Variants in ABTB3 observed in about 807,000 individuals in gnomAD.
ABTB3 encodes ankyrin repeat and BTB domain containing 3, also known as ankyrin repeat- and BTB/POZ domain-containing protein 3.
chr12:107,422,409 G>T, the ABTB3 span, among the ~76,000 whole-genome samples: 5 of 152,160 alleles, frequency 3.3e-5, no homozygotes, highest in Non-Finnish European at 5.9e-5. Context: ...AAATGGAATG[G>T]GAGCCCACTT....
At chr12:107,645,719 G>C in the ABTB3 span, among the ~76,000 whole-genome samples, 4 of 152,276 alleles carry the variant, frequency 2.6e-5, no homozygotes, top group Admixed American at 2.6e-4. Flanking sequence ...CGTAGTAGGC[G>C]CTCAATAAAT....
chr12:107,618,125 G>A, the ABTB3 span: 2 of 1,598,796 alleles, frequency 1.3e-6, no homozygotes, highest in Non-Finnish European at 1.7e-6. Context: ...TTCCATCTCT[G>A]AGTGTCATCC....
At chr12:107,618,293 G>A in the ABTB3 span, 9 of 1,613,980 alleles carry the variant, frequency 5.6e-6, no homozygotes, top group Admixed American at 1.3e-4. Context: ...GCAACAGCAA[G>A]GCCAAACTGA....
At chr12:107,509,563 C>A in the ABTB3 span, among the ~76,000 whole-genome samples, 1 of 152,234 alleles carries the variant, frequency 6.6e-6, no homozygotes, top group Admixed American at 6.5e-5. Context: ...AGAGAAACAG[C>A]AGCTCATAGC....
chr12:107,351,866 A>C, the ABTB3 span, among the ~76,000 whole-genome samples: 2 of 152,182 alleles, frequency 1.3e-5, no homozygotes, highest in Non-Finnish European at 2.9e-5. Flanking sequence ...GAGGCAAATC[A>C]TGGGACTTCT....
the ABTB3 span, among the ~76,000 whole-genome samples, chr12:107,654,813 TATACACAC>T: frequency 3.5e-4 from 34 of 96,078 alleles, no homozygotes; most frequent in African/African-American, 1.7e-3. Flanking sequence ...GTCTACATTG[TATACACAC>T]ACACACACAC....
chr12:107,404,596 G>T, the ABTB3 span, among the ~76,000 whole-genome samples: 2 of 152,190 alleles, frequency 1.3e-5, no homozygotes, highest in African/African-American at 4.8e-5. Context: ...GAGTATCTGC[G>T]AATGACTTGC....
chr12:107,406,321 T>C, the ABTB3 span, among the ~76,000 whole-genome samples: 2 of 152,196 alleles, frequency 1.3e-5, no homozygotes, highest in African/African-American at 2.4e-5. Context: ...TCCCAGCTAT[T>C]TGGGAGGCTG....
the ABTB3 span, chr12:107,650,960 T>G: frequency 1.3e-5 from 2 of 152,196 alleles, no homozygotes; most frequent in Non-Finnish European, 2.9e-5. Context: ...TTCAATCATA[T>G]AGAAGAGTTT....
chr12:107,341,677 C>G, the ABTB3 span, among the ~76,000 whole-genome samples: 7 of 152,236 alleles, frequency 4.6e-5, no homozygotes, highest in South Asian at 1.5e-3. Context: ...GTGAAGTGAT[C>G]CCTGAGGAGC....
At chr12:107,493,873 A>G in the ABTB3 span, among the ~76,000 whole-genome samples, 20 of 152,088 alleles carry the variant, frequency 1.3e-4, no homozygotes, top group African/African-American at 4.6e-4. Flanking sequence ...AGAAGCCTGG[A>G]GCAGATTCCT....
the ABTB3 span, among the ~76,000 whole-genome samples, chr12:107,506,923 C>G: frequency 2.0e-5 from 3 of 152,130 alleles, no homozygotes; most frequent in Non-Finnish European, 4.4e-5. Flanking sequence ...GGATTAGGTC[C>G]AAGGAGAGGA....
At chr12:107,613,334 C>T in the ABTB3 span, among the ~76,000 whole-genome samples, 2 of 152,154 alleles carry the variant, frequency 1.3e-5, no homozygotes, top group African/African-American at 4.8e-5. Flanking sequence ...GCTCCCCCTC[C>T]AAACCCTCTT....
chr12:107,472,151 T>C, the ABTB3 span, among the ~76,000 whole-genome samples: 1 of 152,054 alleles, frequency 6.6e-6, no homozygotes, highest in African/African-American at 2.4e-5. Context: ...TCTCCACCCA[T>C]ACCCATTATT....
chr12:107,581,883 C>CA, the ABTB3 span, among the ~76,000 whole-genome samples: 13 of 152,114 alleles, frequency 8.5e-5, no homozygotes, highest in East Asian at 5.8e-4. Context: ...GCTTTAAATG[C>CA]AAAAAAACAC....
the ABTB3 span, among the ~76,000 whole-genome samples, chr12:107,609,513 G>A: frequency 2.0e-5 from 3 of 152,088 alleles, no homozygotes; most frequent in Non-Finnish European, 2.9e-5. Flanking sequence ...TCTGTCCTGC[G>A]ACTGCGACTG....
chr12:107,553,158 A>G, the ABTB3 span, among the ~76,000 whole-genome samples: 1 of 152,224 alleles, frequency 6.6e-6, no homozygotes, highest in Admixed American at 6.5e-5. Flanking sequence ...GATCATTGAC[A>G]CCATGGTGGG....
chr12:107,443,295 C>T, the ABTB3 span, among the ~76,000 whole-genome samples: 4 of 151,782 alleles, frequency 2.6e-5, no homozygotes, highest in African/African-American at 9.7e-5. Context: ...GGGCCAGGAC[C>T]AGTTGCTCAC....
At chr12:107,536,795 C>T in the ABTB3 span, among the ~76,000 whole-genome samples, 1 of 152,122 alleles carries the variant, frequency 6.6e-6, no homozygotes, top group Non-Finnish European at 1.5e-5. Flanking sequence ...TAAATTAGTA[C>T]AGTCATTATG....
Sources: gnomAD v4.1 joint callset for allele counts (sites outside exome capture counted in the v4.1 genomes callset) on GRCh38, gnomAD v4.1.1 for gene constraint, MANE v1.5 for transcripts, NCBI Gene and HGNC (gene_info 2026-07-23, HGNC 2026-07-21) for gene names.